Variants in ANKS1B observed in about 807,000 individuals in gnomAD.
ANKS1B encodes the protein ankyrin repeat and sterile alpha motif domain-containing protein 1B.
A neutral mutation model predicts 148.3 loss-of-function variants in ANKS1B; 36 were observed. The ratio of observed to expected loss-of-function variants is 0.24; its 90% confidence interval spans 0.19 to 0.32. The LOEUF is 0.32. ANKS1B is among the 10% of genes least tolerant of loss of function. The pLI, the probability that ANKS1B is intolerant of heterozygous loss-of-function variation, is 1.00. For synonymous variants in ANKS1B, 542 were observed against 560.8 expected, an observed-to-expected ratio of 0.97 and a Z score of 0.47; for missense variants, 1,157 against 1,542.6, an observed-to-expected ratio of 0.75 and a Z score of 4.19.
chr12:99,867,557 G>C (rs2090925346), intron 1 of ANKS1B, among the ~76,000 whole-genome samples: 1 of 152,106 alleles, frequency 6.6e-6, no homozygotes, highest in Non-Finnish European at 1.5e-5. Context: ...CAAGCAAAAA[G>C]AGTTTCCCCT....
chr12:99,703,303 A>T (rs1341293383), intron 8 of ANKS1B, among the ~76,000 whole-genome samples: 2 of 152,064 alleles, frequency 1.3e-5, no homozygotes, highest in Admixed American at 6.6e-5. Context: ...AAATGCATTG[A>T]CTCTGATACT....
At chr12:99,434,779 G>A (rs984893992) in intron 11 of ANKS1B, among the ~76,000 whole-genome samples, 1 of 151,714 alleles carries the variant, frequency 6.6e-6, no homozygotes, top group African/African-American at 2.4e-5. Context: ...GTGCATCTAT[G>A]CTTTCTCATT....
chr12:99,470,572 T>C (rs543578793), intron 10 of ANKS1B, among the ~76,000 whole-genome samples: 18 of 152,312 alleles, frequency 1.2e-4, no homozygotes, highest in African/African-American at 4.1e-4. Context: ...ATTCTCCTAT[T>C]ATTTTTATAC....
intron 17 of ANKS1B, chr12:99,049,096 G>A (rs2153519072): frequency 6.6e-6 from 1 of 152,328 alleles, no homozygotes; most frequent in East Asian, 1.9e-4. Flanking sequence ...AGTGCTGACT[G>A]ATGTAACCTC....
chr12:98,746,177 C>A (rs1014367211), intron 26 of ANKS1B, among the ~76,000 whole-genome samples: 1 of 152,152 alleles, frequency 6.6e-6, no homozygotes, highest in African/African-American at 2.4e-5. Context: ...ACCTTGGGAG[C>A]CAGGGGGGCT....
chr12:99,570,435 CAGG>C (rs777991238), intron 9 of ANKS1B, among the ~76,000 whole-genome samples: 2 of 151,974 alleles, frequency 1.3e-5, no homozygotes, highest in African/African-American at 2.4e-5. Context: ...ATCACGAGGT[CAGG>C]AGATCAAGAC....
At chr12:98,805,653 T>C (rs1164071052) in intron 20 of ANKS1B, among the ~76,000 whole-genome samples, 1 of 152,228 alleles carries the variant, frequency 6.6e-6, no homozygotes, top group Non-Finnish European at 1.5e-5. Flanking sequence ...TTTTACTGGA[T>C]GGCAGATTCC....
chr12:99,899,997 CAAGCG>C (rs1219838458), intron 1 of ANKS1B, among the ~76,000 whole-genome samples: 1 of 151,718 alleles, frequency 6.6e-6, no homozygotes, highest in East Asian at 2.0e-4. Context: ...TTCCCGGGTT[CAAGCG>C]ATTCTCCTGC....
At chr12:99,505,939 G>A (rs1296005572) in intron 9 of ANKS1B, among the ~76,000 whole-genome samples, 1 of 151,952 alleles carries the variant, frequency 6.6e-6, no homozygotes, top group African/African-American at 2.4e-5. Flanking sequence ...GCGTATAGTT[G>A]GGCAAAATCA....
intron 19 of ANKS1B, among the ~76,000 whole-genome samples, chr12:98,812,425 C>G (rs189081774): frequency 1.3e-5 from 2 of 152,132 alleles, no homozygotes; most frequent in East Asian, 3.8e-4. Flanking sequence ...CACACTATGA[C>G]GTTTGCATGA....
chr12:99,137,136 A>G (rs969743673), intron 15 of ANKS1B, among the ~76,000 whole-genome samples: 10 of 152,348 alleles, frequency 6.6e-5, no homozygotes, highest in Non-Finnish European at 1.0e-4. Flanking sequence ...TCTAGACTTC[A>G]GCTCCAAATA....
intron 26 of ANKS1B, among the ~76,000 whole-genome samples, chr12:98,750,835 A>G (rs2098066864): frequency 6.6e-6 from 1 of 152,254 alleles, no homozygotes; most frequent in Non-Finnish European, 1.5e-5. Flanking sequence ...ACCATGCCGC[A>G]GGAAGCCTCA....
At chr12:99,673,205 C>T (rs1226943689) in intron 8 of ANKS1B, among the ~76,000 whole-genome samples, 6 of 152,006 alleles carry the variant, frequency 3.9e-5, no homozygotes, top group Non-Finnish European at 8.8e-5. Context: ...ATGAGGTATA[C>T]AACAAATGCC....
chr12:98,757,939 T>TGTGTGTGTGTGCAC (rs541661945), intron 25 of ANKS1B, among the ~76,000 whole-genome samples: 4 of 116,016 alleles, frequency 3.4e-5, no homozygotes, highest in South Asian at 3.1e-4. Flanking sequence ...TGTGTGCACG[T>TGTGTGTGTGTGCAC]GTGTGTGTGT....
chr12:98,826,860 G>A (rs977524123), intron 19 of ANKS1B, among the ~76,000 whole-genome samples: 2 of 152,036 alleles, frequency 1.3e-5, no homozygotes, highest in African/African-American at 2.4e-5. Flanking sequence ...GACCCAACTC[G>A]ATTGTCTAAA....
At chr12:98,809,353 C>T (rs1002312002) in intron 19 of ANKS1B, among the ~76,000 whole-genome samples, 1 of 152,206 alleles carries the variant, frequency 6.6e-6, no homozygotes, top group East Asian at 1.9e-4. Flanking sequence ...TGTACTAACT[C>T]CATGCGTTAG....
At chr12:99,093,619 G>C (rs984800079) in intron 15 of ANKS1B, 2 of 152,252 alleles carry the variant, frequency 1.3e-5, no homozygotes, top group Non-Finnish European at 2.9e-5. Flanking sequence ...AGAGAAAAGA[G>C]AGTGAGTTGC....
At chr12:99,166,155 T>C (rs1179049374) in intron 14 of ANKS1B, among the ~76,000 whole-genome samples, 1 of 151,652 alleles carries the variant, frequency 6.6e-6, no homozygotes, top group Non-Finnish European at 1.5e-5. Flanking sequence ...AACCTACAGT[T>C]AGTACCATAC....
intron 19 of ANKS1B, among the ~76,000 whole-genome samples, chr12:98,823,304 T>TA (rs1237122265): frequency 6.6e-6 from 1 of 152,230 alleles, no homozygotes; most frequent in Admixed American, 6.5e-5. Flanking sequence ...TGTCTGTGCT[T>TA]AAGTATTAAG....
Sources: allele counts gnomAD v4.1 joint callset (sites outside exome capture counted in the v4.1 genomes callset), GRCh38; gene constraint gnomAD v4.1.1; transcripts MANE v1.5; gene names NCBI Gene and HGNC (gene_info 2026-07-23, HGNC 2026-07-21).